Variants in ADAT3 observed in about 807,000 individuals in gnomAD.
ADAT3 encodes tRNA-specific adenosine-34 deaminase regulatory subunit ADAT3.
A neutral mutation model predicts 3.5 loss-of-function variants in ADAT3; 2 were observed. That is an observed-to-expected ratio of 0.57 (90% CI 0.23 to 1.79). The LOEUF is 1.79. Ranked by LOEUF, ADAT3 falls within the 40% of genes most tolerant of loss-of-function variation. ADAT3 has a pLI of 0.18. For synonymous variants in ADAT3, 358 were observed against 270.3 expected (o/e 1.32, Z -3.18); for missense variants, 735 against 571.4 (o/e 1.29, Z -2.92).
chr19:1,908,365 G>A lies in ADAT3; in HGVS notation c.-159+2926G>A, dbSNP rs1420227106. Reference sequence around the variant, plus strand: ...AGGCCACTGGCCTGGAGTTCCACTGGCTGCTGGTCCCCCATCTGTGGGGCG... The same window carrying A: ...AGGCCACTGGCCTGGAGTTCCACTGACTGCTGGTCCCCCATCTGTGGGGCG... On this transcript the variant is annotated intron_variant, in intron 1 of 1. Coordinates refer to ENST00000329478, the MANE Select transcript of ADAT3 (RefSeq NM_138422.4). This position sits in a 1 kb window ranked among gnomAD's most constrained non-coding sequence, Gnocchi z 4.2. 5.1e-6 allele frequency: 2 copies of A among 391,410 alleles called. No individual in the cohort carries two copies. Among genetic ancestry groups the A allele is most frequent in the East Asian group, 7.3e-5 (1 of 13,630 alleles). The allele number at this position is 391,410 out of a possible 1,614,324, so 24.2% of individuals were successfully genotyped here.
Position 1,913,069 on chromosome 19 carries a change from C to T in ADAT3, c.1022C>T (p.Ala341Val). ...GALGTRFRIH[A>V]RPDLNHRFQV... Reference sequence around the variant, plus strand: ...CTGGGCACCCGCTTCCGCATCCACGCACGGCCCGACCTCAACCACCGCTTC... The same window carrying T: ...CTGGGCACCCGCTTCCGCATCCACGTACGGCCCGACCTCAACCACCGCTTC... The change falls in exon 2 of 2, where the codon GCA (alanine) becomes GTA (valine). Residue 341 changes from alanine (A) to valine (V), a missense_variant. Transcript: ENST00000329478. 1 of 1,602,298 alleles carries T rather than the reference C, an allele frequency of 6.2e-7. No individual in the cohort carries two copies. Among genetic ancestry groups the T allele is most frequent in the Non-Finnish European group, 8.5e-7 (1 of 1,178,686 alleles).
intron 1 of ADAT3, among the ~76,000 whole-genome samples, chr19:1,907,792 G>A (rs1380833150): frequency 3.3e-5 from 5 of 152,172 alleles, no homozygotes; most frequent in East Asian, 1.9e-4. Context: ...GTGTGGTAGA[G>A]GGAGGGTCAG....
chr19:1,912,734 C>G lies in ADAT3; in HGVS notation c.687C>G (p.Asp229Glu), dbSNP rs1275716955. ...ASDRVLATGH[D>E]CSCADNPLLH... ...ACCGCGTGCTGGCCACCGGCCACGA[C>G]TGCAGCTGCGCGGACAACCCCCTCC... Residue 229 changes from aspartate to glutamate, a missense_variant, in exon 2 of 2, where the codon GAC becomes GAG. Asp to Glu is a conservative substitution (Grantham distance 45). Transcript: ENST00000329478. 3 of 1,536,398 alleles carry G rather than the reference C, an allele frequency of 2.0e-6. No individual in the cohort carries two copies. In the South Asian group the frequency reaches 3.6e-5, roughly 18 times the overall value.
chr19:1,912,281 G>A lies in ADAT3; in HGVS notation c.234G>A (p.Glu78=). Residue 78 remains glutamate, a synonymous_variant, in exon 2 of 2, where the codon GAG becomes GAA. Coordinates refer to ENST00000329478, the MANE Select transcript of ADAT3 (RefSeq NM_138422.4). ...DKRQTSRLLK[E]VSALHPLPAQ... ...GCCAGACCTCACGCCTCCTGAAGGA[G>A]GTGTCGGCCCTGCACCCGCTCCCCG... 6.3e-7 allele frequency: 1 copy of A among 1,585,870 alleles called. No individual in the cohort carries two copies. The highest frequency in any genetic ancestry group is 1.7e-4 in the Middle Eastern group (1 of 6,012).
chr19:1,905,501 G>A (rs2013053590), intron 1 of ADAT3, 62 bp downstream of exon 1: 3 of 424,260 alleles, frequency 7.1e-6, no homozygotes, highest in African/African-American at 2.1e-5. Flanking sequence ...AGGGGGAGTA[G>A]GGGCTGACAT....
In ADAT3 at chr19:1,912,382, T is replaced by A; in HGVS notation, c.335T>A (p.Leu112Gln). 2.0e-6 allele frequency: 3 copies of A among 1,521,140 alleles called. No individual in the cohort carries two copies. The highest frequency in any genetic ancestry group is 1.8e-6 in the Non-Finnish European group (2 of 1,141,978). The allele number at this position is 1,521,140 out of a possible 1,614,324, so 94.2% of individuals were successfully genotyped here. ...CACGCCCTGGAGATGCTGCTTTGCCTGGCTGGGCCGGCCTCGGGCCCGCGC... is the reference window on the plus strand; with the variant it reads ...CACGCCCTGGAGATGCTGCTTTGCCAGGCTGGGCCGGCCTCGGGCCCGCGC... ...SPHALEMLLC[L>Q]AGPASGPRSL... Residue 112 changes from leucine (L) to glutamine (Q), a missense_variant, in exon 2 of 2, where the codon CTG becomes CAG. Coordinates refer to ENST00000329478, the MANE Select transcript of ADAT3 (RefSeq NM_138422.4).
chr19:1,910,628 G>C lies in ADAT3; in HGVS notation c.-158-1262G>C, dbSNP rs1450292763. On this transcript the variant is annotated intron_variant, in intron 1 of 1. Transcript: ENST00000329478. ...AGTCTCGCTCTGTCACCAGGCTGGA[G>C]TGCAGTGGCACGATCTCGGCTCACT... Among the ~76,000 whole-genome samples, 9 of 145,728 alleles carry C rather than the reference G, an allele frequency of 6.2e-5. No individual in the cohort carries two copies. In the East Asian group the frequency reaches 1.9e-3, roughly 30 times the overall value.
chr19:1,912,172 G>A lies in ADAT3; in HGVS notation c.125G>A (p.Trp42Ter). The part of the protein sequence containing the change: ...AGSPEPEPAP[W>*]QALPVLSEKQ... ...AGCCCGGAGCCTGAGCCGGCGCCGT[G>A]GCAGGCCCTCCCTGTCCTGTCCGAG... The change falls in exon 2 of 2, where the codon TGG becomes TAG. Residue 42 changes from tryptophan (W) to a stop codon, truncating the protein, a stop_gained. Coordinates refer to ENST00000329478, the MANE Select transcript of ADAT3 (RefSeq NM_138422.4). LOFTEE classifies it low-confidence loss of function (END_TRUNC). The A allele has an allele frequency of 4.4e-6, 7 of 1,576,776 alleles. No individual in the cohort carries two copies. Among genetic ancestry groups the A allele is most frequent in the Non-Finnish European group, 6.0e-6 (7 of 1,166,010 alleles).
chr19:1,911,318 T>C (rs1249626167), intron 1 of ADAT3, among the ~76,000 whole-genome samples: 1 of 152,000 alleles, frequency 6.6e-6, no homozygotes, highest in African/African-American at 2.4e-5. Context: ...ACCACCGGTG[T>C]GTGCCACCAC....
chr19:1,907,889 T>A (rs2145423501), intron 1 of ADAT3: 1 of 152,532 alleles, frequency 6.6e-6, no homozygotes, highest in South Asian at 2.1e-4. Context: ...GCTCTGGCAG[T>A]TGAGGCCGCC....
Position 1,905,475 on chromosome 19 carries a change from G to T in ADAT3, c.-159+36G>T. 3 of 450,660 alleles carry T rather than the reference G, an allele frequency of 6.7e-6. 1 individual carries two copies. The highest frequency in any genetic ancestry group is 1.4e-5 in the Non-Finnish European group (3 of 216,538). 27.9% of individuals were successfully genotyped at this position (450,660 alleles called of 1,614,324 possible). A position where few individuals can be genotyped will look rare whatever the true frequency, so the allele number is the denominator to read the frequency against. ...GGCCCCGAGGTCTCGGGTTCTCCAG[G>T]CTCAGACTTCCCCAGAGGGGGAGTA... is the stretch of plus-strand genomic sequence containing the variant. On this transcript the variant is annotated intron_variant, in intron 1 of 1. Transcript: ENST00000329478.
rs2013558122 is a variant in ADAT3, at chr19:1,912,889, T to C, written c.842T>C (p.Val281Ala). The C allele has an allele frequency of 6.2e-7, 1 of 1,606,758 alleles. No individual in the cohort carries two copies. Among genetic ancestry groups the C allele is most frequent in the Non-Finnish European group, 8.5e-7 (1 of 1,179,122 alleles). ...CCCCAGGCCGTCCGCGCAGGCGCCG[T>C]GCGTAAACTGGACGCAGACGAGGAC... ...AAPQAVRAGA[V>A]RKLDADEDGL... is the part of the protein sequence containing the mutation. Residue 281 changes from valine (V) to alanine (A), a missense_variant, in exon 2 of 2, where the codon GTG becomes GCG. Coordinates refer to ENST00000329478, the MANE Select transcript of ADAT3 (RefSeq NM_138422.4).
rs935743744 is a variant in ADAT3, at chr19:1,908,574, C to T, written c.-159+3135C>T. 12 of 471,022 alleles carry T rather than the reference C, an allele frequency of 2.5e-5. No homozygotes were observed. The highest frequency in any genetic ancestry group is 1.2e-4 in the African/African-American group (6 of 50,072). The allele number at this position is 471,022 out of a possible 1,614,324, so 29.2% of individuals were successfully genotyped here. A position where few individuals can be genotyped will look rare whatever the true frequency, so the allele number is the denominator to read the frequency against. On this transcript the variant is annotated intron_variant, in intron 1 of 1. Coordinates refer to ENST00000329478, the MANE Select transcript of ADAT3 (RefSeq NM_138422.4). This position sits in a 1 kb window ranked among gnomAD's most constrained non-coding sequence, Gnocchi z 4.2. ...GCTGGAGTCATTTTAAGATCATCTG[C>T]GGCTTAGCCCCAGCACCATCTGAGG...
chr19:1,905,466 G>A (rs2013050595), intron 1 of ADAT3, 27 bp downstream of exon 1: 1 of 455,532 alleles, frequency 2.2e-6, no homozygotes, highest in African/African-American at 2.1e-5. Context: ...GAGGTCTCGG[G>A]TTCTCCAGGC....
chr19:1,905,559 G>C (rs1404003999), intron 1 of ADAT3, 120 bp downstream of exon 1: 1 of 297,802 alleles, frequency 3.4e-6, no homozygotes, highest in Non-Finnish European at 7.4e-6. Context: ...GGGAGAAAAC[G>C]GGGGGCCCAG....
At position 1,913,112 on chromosome 19, in the gene ADAT3, G is replaced by A. The variant is rs1028598109; in HGVS notation, c.1065G>A (p.Val355=). The part of the protein sequence containing the change: ...LNHRFQVFRG[V]LEEQCRWLDP... ...ACCGCTTCCAGGTGTTCCGCGGGGTGCTGGAGGAGCAGTGCCGCTGGCTGG... is the reference window on the plus strand; with the variant it reads ...ACCGCTTCCAGGTGTTCCGCGGGGTACTGGAGGAGCAGTGCCGCTGGCTGG... The change falls in exon 2 of 2, where the codon GTG becomes GTA. Residue 355 remains valine, a synonymous_variant. Coordinates refer to ENST00000329478, the MANE Select transcript of ADAT3 (RefSeq NM_138422.4). 1.9e-6 allele frequency: 3 copies of A among 1,590,008 alleles called. No individual in the cohort carries two copies. Among genetic ancestry groups the A allele is most frequent in the Non-Finnish European group, 8.5e-7 (1 of 1,173,052 alleles).
rs140304605 is a variant in ADAT3, at chr19:1,908,652, G to A, written c.-159+3213G>A. ...AGCACACAGGTAGTAAGGTTTTTAG[G>A]ATTTTATTATTATTTATTTATTTGA... On this transcript the variant is annotated intron_variant, in intron 1 of 1. Transcript: ENST00000329478. This position sits in a 1 kb window ranked among gnomAD's most constrained non-coding sequence, Gnocchi z 4.2. The A allele has an allele frequency of 0.029, 13,127 of 446,382 alleles. 256 individuals carry two copies. Among genetic ancestry groups the A allele is most frequent in the Non-Finnish European group, 0.038 (8,376 of 218,344 alleles). The allele number at this position is 446,382 out of a possible 1,614,324, so 27.7% of individuals were successfully genotyped here.
Position 1,911,983 on chromosome 19 carries a change from CT to C in ADAT3, c.-63del, listed in dbSNP as rs2145435336. On this transcript the variant is annotated 5_prime_UTR_variant, in exon 2 of 2. Transcript: ENST00000329478. ...CAGCTTTGGTGGCAGCACGCCCTGCCTTGTGGAGCCACGGCCTCCCGGGACG... is the reference window on the plus strand; with the variant it reads ...CAGCTTTGGTGGCAGCACGCCCTGCCTGTGGAGCCACGGCCTCCCGGGACG... 7.1e-7 allele frequency: 1 copy of C among 1,412,076 alleles called. No homozygotes were observed. The highest frequency in any genetic ancestry group is 1.5e-5 in the African/African-American group (1 of 66,954). 87.5% of individuals were successfully genotyped at this position (1,412,076 alleles called of 1,614,324 possible). A position where few individuals can be genotyped will look rare whatever the true frequency, so the allele number is the denominator to read the frequency against.
rs1287302543 is a variant in ADAT3, at chr19:1,913,004, C to T, written c.957C>T (p.Ile319=). The change falls in exon 2 of 2, where the codon ATC becomes ATT. Residue 319 remains isoleucine, a synonymous_variant. Transcript: ENST00000329478. ...CCATGGCCCTGGTGCACGCACGCAT[C>T]CTGCGCGTCTTCTACGGTGCGCCCT... ...MCAMALVHAR[I]LRVFYGAPSP... 4 of 1,607,898 alleles carry T rather than the reference C, an allele frequency of 2.5e-6. No individual in the cohort carries two copies. Among genetic ancestry groups the T allele is most frequent in the Admixed American group, 3.3e-5 (2 of 59,966 alleles).
Sources: gnomAD v4.1 joint callset for allele counts (sites outside exome capture counted in the v4.1 genomes callset) on GRCh38, gnomAD v4.1.1 for gene constraint, Gnocchi (gnomAD v3.1) non-coding constraint, MANE v1.5 for transcripts, NCBI Gene and HGNC (gene_info 2026-07-23, HGNC 2026-07-21) for gene names.